Variants in DAB1 observed in about 807,000 individuals in gnomAD.
DAB1 encodes the protein DAB adaptor protein 1, also known as disabled homolog 1.
In DAB1, 15 loss-of-function variants were observed where a neutral mutation model predicts 64.6. The ratio of observed to expected loss-of-function variants is 0.23; its 90% CI spans 0.16 to 0.36. The LOEUF is 0.36. Among genes scored for constraint, DAB1 ranks in the 10% least tolerant of loss-of-function variants. The pLI is 1.00. For missense variants in DAB1, 596 were observed against 706.7 expected (o/e 0.84, Z 1.78); for synonymous variants, 235 against 251.9 (o/e 0.93, Z 0.64).
chr1:58,457,136 G>A (rs554938399), intron 3 of DAB1, among the ~76,000 whole-genome samples: 1 of 152,218 alleles, frequency 6.6e-6, no homozygotes, highest in Non-Finnish European at 1.5e-5. Context: ...GAAAATCGAG[G>A]TCTCAGGATT....
At chr1:58,316,553 C>CAG (rs895305933) in intron 4 of DAB1, among the ~76,000 whole-genome samples, 1 of 151,864 alleles carries the variant, frequency 6.6e-6, no homozygotes, top group Non-Finnish European at 1.5e-5. Context: ...CAGGAACCAA[C>CAG]AGAGAGAGAG....
At chr1:57,082,830 C>T (rs967712040) in intron 4 of DAB1, among the ~76,000 whole-genome samples, 1 of 152,170 alleles carries the variant, frequency 6.6e-6, no homozygotes, top group African/African-American at 2.4e-5. Flanking sequence ...CTTCCAGCTC[C>T]ATCCATGTCC....
intron 1 of DAB1, among the ~76,000 whole-genome samples, chr1:58,542,894 A>T (rs1284560829): frequency 6.6e-6 from 1 of 152,214 alleles, no homozygotes; most frequent in Non-Finnish European, 1.5e-5. Flanking sequence ...AGTATTCCGC[A>T]CAGGAATATA....
intron 2 of DAB1, among the ~76,000 whole-genome samples, chr1:58,521,013 G>A (rs1173651039): frequency 6.6e-6 from 1 of 152,118 alleles, no homozygotes; most frequent in Non-Finnish European, 1.5e-5. Flanking sequence ...TCAAGTGCAC[G>A]TCATTTTGAC....
intron 5 of DAB1, among the ~76,000 whole-genome samples, chr1:57,896,226 T>C (rs1176909546): frequency 6.6e-6 from 1 of 152,134 alleles, no homozygotes; most frequent in Non-Finnish European, 1.5e-5. Context: ...ATATTATCTA[T>C]GCAGTATCAC....
intron 6 of DAB1, among the ~76,000 whole-genome samples, chr1:57,692,915 A>T (rs939787297): frequency 6.6e-6 from 1 of 152,062 alleles, no homozygotes; most frequent in Non-Finnish European, 1.5e-5. Flanking sequence ...TGCCTTTCAA[A>T]CTCTTGTACC....
At chr1:57,427,160 G>A (rs1685323395), upstream of DAB1, among the ~76,000 whole-genome samples, 2 of 152,154 alleles carry the variant, frequency 1.3e-5, no homozygotes, top group Admixed American at 6.5e-5. Context: ...ACCACGCCCG[G>A]CCTAATATAT....
chr1:58,415,154 T>C (rs1261330553), intron 3 of DAB1, among the ~76,000 whole-genome samples: 1 of 152,026 alleles, frequency 6.6e-6, no homozygotes, highest in African/African-American at 2.4e-5. Context: ...TGTCCCCCTC[T>C]CTCTCTCTCT....
At chr1:57,363,270 ACT>A (rs1454279689) in intron 1 of DAB1, among the ~76,000 whole-genome samples, 2 of 152,146 alleles carry the variant, frequency 1.3e-5, no homozygotes, top group Non-Finnish European at 1.5e-5. Flanking sequence ...AACCACGGAC[ACT>A]CTCTACAGAC....
chr1:57,796,729 C>G (rs1650892221), intron 6 of DAB1, among the ~76,000 whole-genome samples: 2 of 152,014 alleles, frequency 1.3e-5, no homozygotes, highest in Admixed American at 6.5e-5. Flanking sequence ...CCTCTGGAAC[C>G]ATCAGCCTTG....
At chr1:58,344,345 G>C (rs761948166) in intron 3 of DAB1, among the ~76,000 whole-genome samples, 2 of 152,160 alleles carry the variant, frequency 1.3e-5, no homozygotes, top group Non-Finnish European at 2.9e-5. Context: ...TAGTGGTCCA[G>C]TGAAGAAAAT....
At chr1:58,045,727 T>C (rs1377840282) in intron 5 of DAB1, among the ~76,000 whole-genome samples, 1 of 152,142 alleles carries the variant, frequency 6.6e-6, no homozygotes, top group Non-Finnish European at 1.5e-5. Context: ...TTCCCTTGCA[T>C]CTTTGTTTTC....
In DAB1 at chr1:58,253,199, A is replaced by G. The variant is rs1660844830; in HGVS notation, n.309+90153T>C. 2.6e-5 allele frequency among the ~76,000 whole-genome samples: 4 copies of G among 152,208 alleles called. No individual in the cohort carries two copies. The South Asian group carries it at 8.3e-4, about 32-fold the overall frequency. On this transcript the variant is annotated intron_variant and non_coding_transcript_variant, in intron 4 of 20. Transcript: ENST00000485760. ...TTAATTACCTTATCTAAAAAATTGAATCACTATCTGCCCCAGGAGCTGTGA... is the reference window on the plus strand; with the variant it reads ...TTAATTACCTTATCTAAAAAATTGAGTCACTATCTGCCCCAGGAGCTGTGA...
intron 7 of DAB1, among the ~76,000 whole-genome samples, chr1:57,558,935 C>T (rs2101498730): frequency 6.6e-6 from 1 of 152,260 alleles, no homozygotes; most frequent in South Asian, 2.1e-4. Flanking sequence ...AGATTTGTGT[C>T]AGCAGCACCT....
chr1:58,219,885 G>A (rs985351908), intron 4 of DAB1, among the ~76,000 whole-genome samples: 1 of 152,214 alleles, frequency 6.6e-6, no homozygotes, highest in Admixed American at 6.5e-5. Context: ...CCAGGGCCAT[G>A]CCAGTGTCTA....
intron 3 of DAB1, among the ~76,000 whole-genome samples, chr1:58,444,549 C>T (rs1645045185): frequency 6.6e-6 from 1 of 152,130 alleles, no homozygotes; most frequent in Non-Finnish European, 1.5e-5. Context: ...GAGTGTGTCC[C>T]AGCCAGCAAA....
intron 2 of DAB1, among the ~76,000 whole-genome samples, chr1:57,181,115 T>C (rs554943791): frequency 6.6e-6 from 1 of 152,342 alleles, no homozygotes; most frequent in South Asian, 2.1e-4. Context: ...CCAGAGCATG[T>C]AACCCGGTGC....
intron 7 of DAB1, among the ~76,000 whole-genome samples, chr1:57,497,358 A>C (rs567597236): frequency 1.6e-4 from 25 of 152,334 alleles, no homozygotes; most frequent in African/African-American, 6.0e-4. Flanking sequence ...TACCACTAGA[A>C]TAATGTCTGG....
intron 5 of DAB1, chr1:58,074,564 G>GTATATATATATATATATATATATATATA (rs375821412): frequency 2.2e-5 from 2 of 91,640 alleles, no homozygotes; most frequent in African/African-American, 8.7e-5. Flanking sequence ...ATATATGTGT[G>GTATATATATATATATATATATATATATA]TATATATATA....
Sources: allele counts gnomAD v4.1 joint callset (sites outside exome capture counted in the v4.1 genomes callset), GRCh38; gene constraint gnomAD v4.1.1; transcripts MANE v1.5; gene names NCBI Gene and HGNC (gene_info 2026-07-23, HGNC 2026-07-21).